PNPLA3: variants seen among roughly 807,000 people sequenced by gnomAD.
PNPLA3 encodes patatin like domain 3, 1-acylglycerol-3-phosphate O-acyltransferase, also known as 1-acylglycerol-3-phosphate O-acyltransferase PNPLA3.
In PNPLA3, 42 loss-of-function variants were observed where a neutral mutation model predicts 43.1. The observed-to-expected ratio is 0.97, with a 90% confidence interval of 0.76 to 1.26. The LOEUF is 1.26. Ranked by LOEUF, PNPLA3 falls within the 50% of genes most tolerant of loss-of-function variation. PNPLA3 has a pLI of 0.00. For synonymous variants in PNPLA3, 272 were observed against 253.6 expected (o/e 1.07, Z -0.69); for missense variants, 647 against 621.4 (o/e 1.04, Z -0.44).
Position 43,933,105 on chromosome 22 carries a change from G to A in PNPLA3, c.696+18G>A. ...ATCTCAAGGTGAGTTGGTGGTGAGG[G>A]GGCAGGTGTTCTGGGGTGCAGCTCT... On this transcript the variant is annotated intron_variant, in intron 4 of 8. Transcript: ENST00000216180. 6.2e-7 allele frequency: 1 copy of A among 1,608,482 alleles called. No individual in the cohort carries two copies. The highest frequency in any genetic ancestry group is 8.5e-7 in the Non-Finnish European group (1 of 1,176,184).
At chr22:43,924,899 C>T (rs1455558000) in intron 1 of PNPLA3, among the ~76,000 whole-genome samples, 1 of 152,090 alleles carries the variant, frequency 6.6e-6, no homozygotes, top group African/African-American at 2.4e-5. Context: ...CTGCCCACCT[C>T]GGCCTCCCAG....
chr22:43,934,880 C>T (rs1008885212), intron 5 of PNPLA3, among the ~76,000 whole-genome samples: 1 of 152,000 alleles, frequency 6.6e-6, no homozygotes, highest in African/African-American at 2.4e-5. Context: ...AAGCAGCACA[C>T]ACCCCTCCCT....
rs780689077 is a variant in PNPLA3 at position 43,937,001 on chromosome 22, C to CCA, written c.758-48_758-47dup. On this transcript the variant is annotated intron_variant, in intron 5 of 8. Coordinates refer to ENST00000216180, the MANE Select transcript of PNPLA3 (RefSeq NM_025225.3). ...AGTTTGGTAGATGGGTGGGTAACGA[C>CCA]CACCACTCCCACGTTCGCCTGATGG... 212 of 1,502,814 alleles carry CCA rather than the reference C, an allele frequency of 1.4e-4. 1 individual carries two copies. The highest frequency in any genetic ancestry group is 9.0e-5 in the Non-Finnish European group (99 of 1,096,514). The allele number at this position is 1,502,814 out of a possible 1,614,324, so 93.1% of individuals were successfully genotyped here. A position where few individuals can be genotyped will look rare whatever the true frequency, so the allele number is the denominator to read the frequency against.
intron 8 of PNPLA3, among the ~76,000 whole-genome samples, chr22:43,945,841 A>G (rs1208557111): frequency 1.3e-5 from 2 of 152,092 alleles, no homozygotes; most frequent in African/African-American, 4.8e-5. Flanking sequence ...GGTGGGTGGT[A>G]GGACACCCTG....
intron 5 of PNPLA3, among the ~76,000 whole-genome samples, chr22:43,935,505 G>A (rs1416885022): frequency 1.3e-5 from 2 of 152,056 alleles, no homozygotes; most frequent in Non-Finnish European, 2.9e-5. Flanking sequence ...GGCTCATGCA[G>A]GATGGATCTC....
intron 1 of PNPLA3, among the ~76,000 whole-genome samples, chr22:43,925,287 G>T (rs2049914861): frequency 6.6e-6 from 1 of 152,116 alleles, no homozygotes; most frequent in Admixed American, 6.5e-5. Flanking sequence ...ACCTGTGTGT[G>T]TGTGGTGGGG....
intron 3 of PNPLA3, among the ~76,000 whole-genome samples, 165 bp from the exon 4 acceptor site, chr22:43,932,713 C>T (rs969650058): frequency 1.3e-5 from 2 of 152,212 alleles, no homozygotes; most frequent in Admixed American, 6.5e-5. Context: ...CCGGAATGCT[C>T]GGTAAGGATT....
At chr22:43,934,744 G>T (rs1603416556) in intron 5 of PNPLA3, 78 bp downstream of exon 5, 2 of 1,406,068 alleles carry the variant, frequency 1.4e-6, no homozygotes, top group East Asian at 4.6e-5. Context: ...CTTGAGATTT[G>T]CCTTAGTTCT....
chr22:43,934,333 A>G (rs12484466), intron 4 of PNPLA3, among the ~76,000 whole-genome samples: 28,022 of 149,084 alleles, frequency 0.19, 3,262 homozygotes, highest in East Asian at 0.39. Context: ...AAAAAAAAAA[A>G]AAAGAAAAGT....
Position 43,937,128 on chromosome 22 carries a change from G to A in PNPLA3, c.835G>A (p.Ala279Thr), listed in dbSNP as rs1255787888. Residue 279 changes from alanine (A) to threonine (T), a missense_variant, in exon 6 of 9, where the codon GCA becomes ACA. Transcript: ENST00000216180. ...TCCTGAGGTCGCCATGCCCAGCTGG[G>A]CAAACATGAGTCTGGATTCTTCCCC... ...MDPEVAMPSW[A>T]NMSLDSSPES... is the part of the protein sequence containing the mutation. 2 of 1,614,146 alleles carry A rather than the reference G, an allele frequency of 1.2e-6. No individual in the cohort carries two copies. The highest frequency in any genetic ancestry group is 2.2e-5 in the East Asian group (1 of 44,880).
chr22:43,933,024 T>C lies in PNPLA3; in HGVS notation c.633T>C (p.Ser211=). 6.2e-7 allele frequency: 1 copy of C among 1,614,164 alleles called. No individual in the cohort carries two copies. The highest frequency in any genetic ancestry group is 1.1e-5 in the South Asian group (1 of 91,082). The change falls in exon 4 of 9, where the codon AGT becomes AGC. Residue 211 remains serine (S), a synonymous_variant. Transcript: ENST00000216180. ...TTCATGTGGACATCACCAAGCTCAG[T>C]CTACGCCTCTGCACAGGGAACCTCT... The part of the protein sequence containing the change: ...NFLHVDITKL[S]LRLCTGNLYL...
In PNPLA3 at chr22:43,923,990, C is replaced by G. The variant is rs756992028; in HGVS notation, c.79C>G (p.Arg27Gly). ...GGGCTTCTACCACGTCGGGGCGACCCGCTGCCTGAGCGAGCACGCCCCGCA... is the reference window on the plus strand; with the variant it reads ...GGGCTTCTACCACGTCGGGGCGACCGGCTGCCTGAGCGAGCACGCCCCGCA... ...FLGFYHVGAT[R>G]CLSEHAPHLL... Residue 27 changes from arginine to glycine, a missense_variant, in exon 1 of 9, where the codon CGC (arginine) becomes GGC (glycine). Coordinates refer to ENST00000216180, the MANE Select transcript of PNPLA3 (RefSeq NM_025225.3). 8.2e-6 allele frequency: 13 copies of G among 1,584,694 alleles called. No individual in the cohort carries two copies. The highest frequency in any genetic ancestry group is 1.1e-5 in the Non-Finnish European group (13 of 1,174,130).
At chr22:43,930,790 C>T (rs1039521951) in intron 3 of PNPLA3, among the ~76,000 whole-genome samples, 4 of 152,238 alleles carry the variant, frequency 2.6e-5, no homozygotes, top group African/African-American at 4.8e-5. Flanking sequence ...GGGTCTGTGC[C>T]GGCTCACTTG....
chr22:43,943,495 CG>C lies in PNPLA3; in HGVS notation c.1113-1195del, dbSNP rs570352632. On this transcript the variant is annotated intron_variant, in intron 7 of 8. Transcript: ENST00000216180. ...GCCCTGGTGGTGAACGCTGGCTCCC[CG>C]TGCTCTGCCTGTTTCATCACCAGCC... 1.4e-4 allele frequency among the ~76,000 whole-genome samples: 21 copies of C among 152,258 alleles called. No individual in the cohort carries two copies. In the East Asian group the frequency reaches 3.9e-3, roughly 28 times the overall value.
At chr22:43,934,252 G>C (rs1395058290) in intron 4 of PNPLA3, among the ~76,000 whole-genome samples, 1 of 151,260 alleles carries the variant, frequency 6.6e-6, no homozygotes, top group Admixed American at 6.6e-5. Flanking sequence ...CGGAAGTGGA[G>C]GTGGCCGTTA....
chr22:43,932,189 C>T (rs879761208), intron 3 of PNPLA3, among the ~76,000 whole-genome samples: 4 of 152,030 alleles, frequency 2.6e-5, no homozygotes, highest in Admixed American at 6.6e-5. Flanking sequence ...CTGCCCCAGC[C>T]GAGCTATGGG....
Position 43,944,799 on chromosome 22 carries a change from A to T in PNPLA3, c.1217+4A>T. ...TGTGTCTGCTCCCCGCCTCCAGGTA[A>T]ATACTTTGGCTGTGGGTGTGTGGGC... On this transcript the variant is annotated splice_donor_region_variant and intron_variant, in intron 8 of 8. Coordinates refer to ENST00000216180, the MANE Select transcript of PNPLA3 (RefSeq NM_025225.3). 1.2e-6 allele frequency: 2 copies of T among 1,613,742 alleles called. No homozygotes were observed. The highest frequency in any genetic ancestry group is 1.7e-6 in the Non-Finnish European group (2 of 1,179,642).
chr22:43,944,478 T>C (rs2050050559), intron 7 of PNPLA3, among the ~76,000 whole-genome samples: 2 of 152,054 alleles, frequency 1.3e-5, no homozygotes, highest in African/African-American at 4.8e-5. Flanking sequence ...TTTATTTCAG[T>C]GTAAGTCCCT....
At chr22:43,933,348 A>G (rs1250047403) in intron 4 of PNPLA3, among the ~76,000 whole-genome samples, 2 of 152,086 alleles carry the variant, frequency 1.3e-5, no homozygotes, top group African/African-American at 2.4e-5. Flanking sequence ...GGGGTGCAGT[A>G]TGGGTATTAG....
Sources: gnomAD v4.1 joint callset for allele counts (sites outside exome capture counted in the v4.1 genomes callset) on GRCh38, gnomAD v4.1.1 for gene constraint, MANE v1.5 for transcripts, NCBI Gene and HGNC (gene_info 2026-07-23, HGNC 2026-07-21) for gene names.